PBLD: variants seen among roughly 807,000 people sequenced by gnomAD.
The protein encoded by PBLD is phenazine biosynthesis-like domain-containing protein.
Under a neutral mutation model 31.3 loss-of-function variants are expected in PBLD, and 26 were observed. The ratio of observed to expected loss-of-function variants is 0.83; its 90% CI spans 0.61 to 1.15. The LOEUF (loss-of-function observed/expected upper bound fraction) is 1.15. Among genes scored for constraint, PBLD ranks in the 50% most tolerant of loss-of-function variants. The probability of loss-of-function intolerance (pLI) is 0.00; values close to 1 mark genes in which losing one functional copy is unlikely to be tolerated. For missense variants in PBLD, 307 were observed against 351.7 expected, an observed-to-expected ratio of 0.87 and a Z score of 1.02; for synonymous variants, 114 against 129.0, an observed-to-expected ratio of 0.88 and a Z score of 0.79.
At chr10:68,326,786 C>T (rs1394837719) in intron 1 of PBLD, among the ~76,000 whole-genome samples, 8 of 152,176 alleles carry the variant, frequency 5.3e-5, no homozygotes, top group African/African-American at 1.7e-4. Flanking sequence ...CAGTGGCTCA[C>T]GCCTGTAATC....
At position 68,328,625 on chromosome 10, in the gene PBLD, GA is replaced by G. The variant is rs1589679341; in HGVS notation, c.-60+4158del. On this transcript the variant is annotated intron_variant, in intron 1 of 9. Coordinates refer to ENST00000358769, the MANE Select transcript of PBLD (RefSeq NM_022129.4). ...GGAATGATGAAAAGGAAGACAAAGA[GA>G]AAAAAAAGTCCCAAAAGCAGCTGGC... 2.6e-5 allele frequency among the ~76,000 whole-genome samples: 4 copies of G among 151,898 alleles called. No homozygotes were observed. In the East Asian group the frequency reaches 5.8e-4, roughly 22 times the overall value.
intron 1 of PBLD, among the ~76,000 whole-genome samples, chr10:68,326,447 A>T (rs987520553): frequency 6.6e-6 from 1 of 152,238 alleles, no homozygotes; most frequent in African/African-American, 2.4e-5. Context: ...ATCTGCCTAT[A>T]TTGGAAAATC....
intron 1 of PBLD, among the ~76,000 whole-genome samples, chr10:68,323,636 T>C (rs1459972396): frequency 1.3e-5 from 2 of 152,188 alleles, no homozygotes; most frequent in Non-Finnish European, 2.9e-5. Context: ...ACAGAAATTA[T>C]GAAATAATAA....
chr10:68,307,436 T>C (rs2044597034), intron 1 of PBLD, among the ~76,000 whole-genome samples: 2 of 152,190 alleles, frequency 1.3e-5, no homozygotes. Flanking sequence ...ACATAGAACT[T>C]AGCAGCATAA....
intron 1 of PBLD, among the ~76,000 whole-genome samples, chr10:68,332,446 C>G (rs112706221): frequency 0.041 from 6,243 of 152,306 alleles, 159 homozygotes; most frequent in Non-Finnish European, 0.046. Context: ...GACGCCGAGG[C>G]CCGAAGTAGG....
intron 6 of PBLD, among the ~76,000 whole-genome samples, chr10:68,291,096 T>G (rs892654453): frequency 6.6e-6 from 1 of 152,198 alleles, no homozygotes; most frequent in Non-Finnish European, 1.5e-5. Context: ...GTACTCACAA[T>G]AGACTAAGCT....
intron 2 of PBLD, among the ~76,000 whole-genome samples, chr10:68,299,218 G>C (rs772367562): frequency 6.6e-6 from 1 of 150,568 alleles, no homozygotes; most frequent in Non-Finnish European, 1.5e-5. Context: ...TTTTAAAGAA[G>C]TTTCAAGAAA....
chr10:68,306,666 G>A, intron 2 of PBLD, 95 bp downstream of exon 2: 1 of 1,160,018 alleles, frequency 8.6e-7, no homozygotes, highest in Non-Finnish European at 1.3e-6. Context: ...AACCAAAGAG[G>A]TAAACAAACA....
intron 1 of PBLD, among the ~76,000 whole-genome samples, chr10:68,312,764 C>T (rs1330356976): frequency 2.3e-3 from 1 of 432 alleles, no homozygotes; most frequent in Non-Finnish European, 0.013. Context: ...CGCCCGCCAC[C>T]ATGGCCTGGC....
At chr10:68,316,855 T>A (rs2044742759) in intron 1 of PBLD, among the ~76,000 whole-genome samples, 1 of 151,808 alleles carries the variant, frequency 6.6e-6, no homozygotes, top group Admixed American at 6.6e-5. Context: ...TCTACTAAAA[T>A]ACAAAAAATT....
chr10:68,291,577 A>G (rs1353009012), intron 6 of PBLD, among the ~76,000 whole-genome samples: 1 of 152,156 alleles, frequency 6.6e-6, no homozygotes, highest in Non-Finnish European at 1.5e-5. Context: ...TCTGCCAGAA[A>G]TTCCCAACTT....
At chr10:68,286,959 C>G (rs1252914185) in intron 8 of PBLD, 1 of 152,146 alleles carries the variant, frequency 6.6e-6, no homozygotes, top group Non-Finnish European at 1.5e-5. Flanking sequence ...AAAACCCTGT[C>G]TCTACTTAAA....
chr10:68,287,611 T>C (rs2044305163), intron 8 of PBLD: 1 of 152,412 alleles, frequency 6.6e-6, no homozygotes, highest in African/African-American at 2.4e-5. Context: ...ACATCAAGCA[T>C]TCTCGTCCTT....
intron 6 of PBLD, 46 bp downstream of exon 6, chr10:68,291,964 A>G: frequency 1.3e-6 from 2 of 1,522,098 alleles, no homozygotes; most frequent in South Asian, 2.3e-5. Context: ...CTTTGTGTGC[A>G]AACAATAACA....
At chr10:68,314,536 T>C (rs1272864739) in intron 1 of PBLD, among the ~76,000 whole-genome samples, 1 of 152,098 alleles carries the variant, frequency 6.6e-6, no homozygotes, top group East Asian at 1.9e-4. Context: ...GCTGCATTCA[T>C]AGAGAATTGT....
chr10:68,332,684 G>A (rs897662353), intron 1 of PBLD, 100 bp downstream of exon 1: 2 of 152,454 alleles, frequency 1.3e-5, no homozygotes, highest in Admixed American at 6.5e-5. Flanking sequence ...TGGGTGGAGG[G>A]AGGATCGGGT....
At chr10:68,325,141 G>A (rs1297619453) in intron 1 of PBLD, among the ~76,000 whole-genome samples, 1 of 152,062 alleles carries the variant, frequency 6.6e-6, no homozygotes, top group African/African-American at 2.4e-5. Flanking sequence ...CGACTCGGGA[G>A]GCTGAGGCAG....
intron 1 of PBLD, among the ~76,000 whole-genome samples, chr10:68,311,382 T>C (rs886933680): frequency 4.0e-5 from 6 of 151,618 alleles, no homozygotes; most frequent in African/African-American, 1.2e-4. Flanking sequence ...GTCAGAAGAT[T>C]GAGACCATCC....
intron 2 of PBLD, among the ~76,000 whole-genome samples, chr10:68,304,568 AAGAG>A (rs987939007): frequency 6.6e-6 from 1 of 152,238 alleles, no homozygotes; most frequent in Non-Finnish European, 1.5e-5. Context: ...GATAGGTAGA[AAGAG>A]AGAGAAAAAA....
Sources: allele counts gnomAD v4.1 joint callset (sites outside exome capture counted in the v4.1 genomes callset), GRCh38; gene constraint gnomAD v4.1.1; transcripts MANE v1.5; gene names NCBI Gene and HGNC (gene_info 2026-07-23, HGNC 2026-07-21).